SH3RF3: variants seen among roughly 807,000 people sequenced by gnomAD.
The protein encoded by SH3RF3 is E3 ubiquitin-protein ligase SH3RF3.
SH3RF3 carries 29 observed loss-of-function variants against 66.3 expected under a neutral mutation model. The ratio of observed to expected loss-of-function variants is 0.44; its 90% CI spans 0.33 to 0.60. The LOEUF (loss-of-function observed/expected upper bound fraction) is 0.60. SH3RF3 is among the 20% of genes least tolerant of loss of function. SH3RF3 has a pLI of 0.04. For synonymous variants in SH3RF3, 583 were observed against 532.0 expected, an observed-to-expected ratio of 1.10 and a Z score of -1.32; for missense variants, 1,194 against 1,190.9, an observed-to-expected ratio of 1.00 and a Z score of -0.04.
At chr2:109,404,671 C>G (rs1375435741) in intron 4 of SH3RF3, among the ~76,000 whole-genome samples, 1 of 152,156 alleles carries the variant, frequency 6.6e-6, no homozygotes, top group Non-Finnish European at 1.5e-5. Flanking sequence ...CCCTCTCCCA[C>G]CGGGTGCCCC....
At position 109,501,826 on chromosome 2, in the gene SH3RF3, G is replaced by C; in HGVS notation, c.*155G>C. ...TGGCCCAGGGTGGGGGCCAGGGACTGTGGAGGTCGTGCCTTCTCCCAAAAC... is the reference window on the plus strand; with the variant it reads ...TGGCCCAGGGTGGGGGCCAGGGACTCTGGAGGTCGTGCCTTCTCCCAAAAC... On this transcript the variant is annotated 3_prime_UTR_variant, in exon 10 of 10. Transcript: ENST00000309415. 1.7e-6 allele frequency: 1 copy of C among 595,432 alleles called. No homozygotes were observed. Among genetic ancestry groups the C allele is most frequent in the East Asian group, 2.8e-5 (1 of 36,282 alleles). The allele number at this position is 595,432 out of a possible 1,614,324, so 36.9% of individuals were successfully genotyped here. A position where few individuals can be genotyped will look rare whatever the true frequency, so the allele number is the denominator to read the frequency against.
intron 1 of SH3RF3, among the ~76,000 whole-genome samples, chr2:109,256,253 C>T (rs879525325): frequency 2.6e-5 from 4 of 152,126 alleles, no homozygotes; most frequent in African/African-American, 4.8e-5. Flanking sequence ...GGACAGGTCG[C>T]GCATTGTTTC....
intron 8 of SH3RF3, among the ~76,000 whole-genome samples, chr2:109,473,878 G>A (rs898235891): frequency 2.0e-5 from 3 of 152,038 alleles, no homozygotes; most frequent in African/African-American, 4.8e-5. Flanking sequence ...CCCCTGAACC[G>A]CTCTCCTTGT....
chr2:109,374,228 C>A (rs929468362), intron 3 of SH3RF3, among the ~76,000 whole-genome samples: 27 of 152,286 alleles, frequency 1.8e-4, no homozygotes, highest in African/African-American at 6.3e-4. Context: ...CCCAAGCATC[C>A]TTGGGCAGGG....
intron 7 of SH3RF3, among the ~76,000 whole-genome samples, chr2:109,439,252 G>A (rs997208692): frequency 1.9e-4 from 29 of 152,258 alleles, no homozygotes; most frequent in East Asian, 9.6e-4. Context: ...TGTTACACAC[G>A]GGGAGAGTGA....
chr2:109,445,324 G>T (rs1373984104), intron 7 of SH3RF3, among the ~76,000 whole-genome samples: 1 of 152,178 alleles, frequency 6.6e-6, no homozygotes, highest in Non-Finnish European at 1.5e-5. Flanking sequence ...TCCTCACACA[G>T]AAAGCACAAA....
At chr2:109,413,015 C>A (rs1271939097) in intron 4 of SH3RF3, among the ~76,000 whole-genome samples, 1 of 152,252 alleles carries the variant, frequency 6.6e-6, no homozygotes, top group Non-Finnish European at 1.5e-5. Flanking sequence ...GCCAGCCCCA[C>A]ACCCTGGAAC....
intron 7 of SH3RF3, among the ~76,000 whole-genome samples, chr2:109,443,430 G>T (rs1677627181): frequency 6.6e-6 from 1 of 152,144 alleles, no homozygotes; most frequent in South Asian, 2.1e-4. Context: ...TGAGTGTCAG[G>T]CAACTCAAAT....
At chr2:109,172,275 G>A (rs985450565) in intron 1 of SH3RF3, among the ~76,000 whole-genome samples, 2 of 152,210 alleles carry the variant, frequency 1.3e-5, no homozygotes, top group Admixed American at 6.5e-5. Context: ...GGCAACAGCT[G>A]CGTGTGGCCT....
intron 2 of SH3RF3, among the ~76,000 whole-genome samples, chr2:109,352,467 G>A (rs7591726): frequency 0.13 from 19,681 of 152,202 alleles, 1,425 homozygotes; most frequent in Middle Eastern, 0.24. Context: ...CAGGCGATGG[G>A]CAAGCTTCCA....
At chr2:109,319,855 G>A (rs1681980593) in intron 1 of SH3RF3, among the ~76,000 whole-genome samples, 1 of 152,178 alleles carries the variant, frequency 6.6e-6, no homozygotes, top group African/African-American at 2.4e-5. Context: ...GAGCCAGTAG[G>A]AGTATCAGCC....
chr2:109,455,478 A>G (rs1678025700), intron 8 of SH3RF3, among the ~76,000 whole-genome samples: 2 of 152,278 alleles, frequency 1.3e-5, no homozygotes, highest in South Asian at 4.1e-4. Flanking sequence ...TGTGGGACAC[A>G]TGTGTGCACC....
At chr2:109,357,187 T>TG (rs796587167) in intron 2 of SH3RF3, among the ~76,000 whole-genome samples, 1 of 150,518 alleles carries the variant, frequency 6.6e-6, no homozygotes, top group Non-Finnish European at 1.5e-5. Context: ...TTTTGTTTTT[T>TG]GGTTTTTTTT....
intron 4 of SH3RF3, among the ~76,000 whole-genome samples, chr2:109,413,417 CT>C (rs1254924857): frequency 6.6e-6 from 1 of 152,164 alleles, no homozygotes; most frequent in African/African-American, 2.4e-5. Context: ...CCAGGCCTGT[CT>C]GGTTATTTTA....
intron 2 of SH3RF3, among the ~76,000 whole-genome samples, chr2:109,350,467 T>C (rs1682814751): frequency 6.6e-6 from 1 of 152,224 alleles, no homozygotes; most frequent in South Asian, 2.1e-4. Flanking sequence ...GGACTTGTGC[T>C]GTGACACGAC....
intron 1 of SH3RF3, among the ~76,000 whole-genome samples, chr2:109,155,214 A>G (rs114387443): frequency 1.8e-4 from 28 of 152,338 alleles, no homozygotes; most frequent in African/African-American, 6.7e-4. Flanking sequence ...GTTCTCATCC[A>G]TGGGCACCTT....
intron 4 of SH3RF3, among the ~76,000 whole-genome samples, chr2:109,406,408 A>T (rs1332489107): frequency 6.6e-6 from 1 of 152,126 alleles, no homozygotes; most frequent in South Asian, 2.1e-4. Context: ...GCCCAGGTCC[A>T]TCACTGAGAG....
At chr2:109,303,457 A>G (rs1681518945) in intron 1 of SH3RF3, among the ~76,000 whole-genome samples, 1 of 152,228 alleles carries the variant, frequency 6.6e-6, no homozygotes, top group Non-Finnish European at 1.5e-5. Flanking sequence ...TACATGGCAG[A>G]ACACTAAGAA....
intron 1 of SH3RF3, among the ~76,000 whole-genome samples, chr2:109,214,703 G>T (rs998145474): frequency 2.0e-5 from 3 of 152,194 alleles, no homozygotes; most frequent in Non-Finnish European, 4.4e-5. Context: ...AGGACAATCA[G>T]AAGATGGGCT....
Sources: gnomAD v4.1 joint callset for allele counts (sites outside exome capture counted in the v4.1 genomes callset) on GRCh38, gnomAD v4.1.1 for gene constraint, MANE v1.5 for transcripts, NCBI Gene and HGNC (gene_info 2026-07-23, HGNC 2026-07-21) for gene names.